Variants in RIC1 observed in about 807,000 individuals in gnomAD.
RIC1 encodes the protein RIC1 partner of RAB6A GEF complex, also known as guanine nucleotide exchange factor subunit RIC1.
RIC1 carries 88 observed loss-of-function variants against 169.0 expected under a neutral mutation model. That is an observed-to-expected ratio of 0.52 (90% CI 0.44 to 0.62). The LOEUF is 0.62. RIC1 is among the 20% of genes least tolerant of loss of function. The pLI, the probability that RIC1 is intolerant of heterozygous loss-of-function variation, is 0.00. For synonymous variants in RIC1, 790 were observed against 601.5 expected (o/e 1.31, Z -4.59); for missense variants, 1,877 against 1,725.5 (o/e 1.09, Z -1.56).
chr9:5,706,199 C>T (rs1404424486), intron 3 of RIC1, among the ~76,000 whole-genome samples: 1 of 152,156 alleles, frequency 6.6e-6, no homozygotes, highest in Non-Finnish European at 1.5e-5. Flanking sequence ...TGGCTTAACG[C>T]CTGTAATCCC....
At chr9:5,741,922 G>A (rs952781748) in intron 8 of RIC1, among the ~76,000 whole-genome samples, 1 of 152,146 alleles carries the variant, frequency 6.6e-6, no homozygotes, top group African/African-American at 2.4e-5. Context: ...TTTCCAGAGA[G>A]GATTTAAATT....
chr9:5,746,058 G>C lies in RIC1; in HGVS notation c.1223G>C (p.Ser408Thr). ...PSILLFQFIK[S>T]VLTVNPCMSN... is the part of the protein sequence containing the mutation. The stretch of plus-strand genomic sequence containing the variant: ...ATCCTGTTATTTCAGTTTATTAAGA[G>C]TGTACTCACTGTAAACCCTTGTATG... The change falls in exon 11 of 26, where the codon AGT (serine) becomes ACT (threonine). Residue 408 changes from serine (S) to threonine (T), a missense_variant. Physicochemically the swap from Ser to Thr is moderately conservative, Grantham distance 58. Coordinates refer to ENST00000414202, the MANE Select transcript of RIC1 (RefSeq NM_020829.4). 2 of 1,613,514 alleles carry C rather than the reference G, an allele frequency of 1.2e-6. No homozygotes were observed. The highest frequency in any genetic ancestry group is 1.7e-6 in the Non-Finnish European group (2 of 1,179,564).
chr9:5,724,620 A>G (rs1027814649), intron 6 of RIC1, among the ~76,000 whole-genome samples: 32 of 152,236 alleles, frequency 2.1e-4, no homozygotes, highest in African/African-American at 7.2e-4. Context: ...GTGAGAGAGG[A>G]CATCCCTGTC....
chr9:5,658,775 A>G (rs55764598), intron 2 of RIC1, among the ~76,000 whole-genome samples: 1 of 151,764 alleles, frequency 6.6e-6, no homozygotes, highest in African/African-American at 2.4e-5. Context: ...GCCCTCCTCC[A>G]CAGCTGTTAT....
At chr9:5,732,502 C>T (rs1199202693) in intron 7 of RIC1, 23 bp downstream of exon 7, 4 of 1,508,240 alleles carry the variant, frequency 2.7e-6, no homozygotes, top group Admixed American at 2.1e-5. Context: ...TAGGCTTTTG[C>T]ATTTTTAAGA....
At chr9:5,773,640 A>G (rs1338823205) in intron 25 of RIC1, among the ~76,000 whole-genome samples, 1 of 152,182 alleles carries the variant, frequency 6.6e-6, no homozygotes, top group Non-Finnish European at 1.5e-5. Flanking sequence ...ATGTTGTCTG[A>G]AGGTCCTTTT....
chr9:5,736,595 G>A (rs1824719887), intron 7 of RIC1, among the ~76,000 whole-genome samples: 1 of 152,122 alleles, frequency 6.6e-6, no homozygotes, highest in East Asian at 1.9e-4. Flanking sequence ...CAAAGAGGTG[G>A]CACAAAGAGA....
intron 2 of RIC1, among the ~76,000 whole-genome samples, chr9:5,658,730 T>C (rs1453485415): frequency 6.6e-6 from 1 of 152,052 alleles, no homozygotes; most frequent in African/African-American, 2.4e-5. Flanking sequence ...TTAGTGTAAG[T>C]TTTTTCAGAG....
intron 3 of RIC1, among the ~76,000 whole-genome samples, chr9:5,694,210 C>T (rs34017979): frequency 0.019 from 2,891 of 152,262 alleles, 32 homozygotes; most frequent in Non-Finnish European, 0.024. Context: ...AAGAAACCTA[C>T]AGTAAGGGAC....
At chr9:5,690,105 A>G in intron 3 of RIC1, 67 bp downstream of exon 3, 1 of 1,115,064 alleles carries the variant, frequency 9.0e-7, no homozygotes, top group South Asian at 1.6e-5. Context: ...AAAACATTAC[A>G]GTTTTGAGTT....
In RIC1 at chr9:5,629,143, C is replaced by A; in HGVS notation, c.-167C>A. Reference sequence around the variant, plus strand: ...CGTCAGCTTGGGGGTGCCTTCGTCGCGCAGCCTTGCGTCGGCCCGGCCCGG... The same window carrying A: ...CGTCAGCTTGGGGGTGCCTTCGTCGAGCAGCCTTGCGTCGGCCCGGCCCGG... On this transcript the variant is annotated 5_prime_UTR_variant, in exon 1 of 26. Coordinates refer to ENST00000414202, the MANE Select transcript of RIC1 (RefSeq NM_020829.4). 1.9e-6 allele frequency: 1 copy of A among 536,354 alleles called. No homozygotes were observed. Among genetic ancestry groups the A allele is most frequent in the Non-Finnish European group, 2.8e-6 (1 of 358,514 alleles). 33.2% of individuals were successfully genotyped at this position (536,354 alleles called of 1,614,324 possible).
chr9:5,705,253 A>G (rs1238334505), intron 3 of RIC1, among the ~76,000 whole-genome samples: 1 of 133,054 alleles, frequency 7.5e-6, no homozygotes, highest in Non-Finnish European at 1.6e-5. Context: ...CATTTAATCT[A>G]TAGCTGTTTG....
intron 1 of RIC1, among the ~76,000 whole-genome samples, chr9:5,631,563 T>C (rs1817715747): frequency 6.6e-6 from 1 of 151,660 alleles, no homozygotes; most frequent in Non-Finnish European, 1.5e-5. Context: ...GGTGCACGCC[T>C]ATAGCCCCAG....
At chr9:5,692,606 G>A (rs1005303506) in intron 3 of RIC1, among the ~76,000 whole-genome samples, 9 of 152,018 alleles carry the variant, frequency 5.9e-5, no homozygotes, top group Non-Finnish European at 1.0e-4. Flanking sequence ...TTGTGTGCTT[G>A]ACTGTTCTAG....
At chr9:5,686,666 T>C (rs931766394) in intron 2 of RIC1, among the ~76,000 whole-genome samples, 6 of 149,442 alleles carry the variant, frequency 4.0e-5, no homozygotes, top group African/African-American at 1.2e-4. Flanking sequence ...CTGGGAGATA[T>C]ACCTAAGGCT....
At chr9:5,735,033 TC>T (rs1489303992) in intron 7 of RIC1, among the ~76,000 whole-genome samples, 9 of 152,206 alleles carry the variant, frequency 5.9e-5, no homozygotes, top group African/African-American at 2.2e-4. Context: ...GCTCCTTTGT[TC>T]CAAACAGAAT....
intron 1 of RIC1, among the ~76,000 whole-genome samples, chr9:5,639,500 A>G (rs1336520546): frequency 1.3e-5 from 2 of 152,164 alleles, no homozygotes; most frequent in African/African-American, 4.8e-5. Flanking sequence ...AAGATTTGTG[A>G]CCTATCATAT....
At chr9:5,641,965 A>G (rs1271983953) in intron 1 of RIC1, among the ~76,000 whole-genome samples, 1 of 143,644 alleles carries the variant, frequency 7.0e-6, no homozygotes, top group Non-Finnish European at 1.5e-5. Flanking sequence ...TTCCTGGATG[A>G]TCTTGATTTG....
intron 3 of RIC1, among the ~76,000 whole-genome samples, chr9:5,703,651 GTCT>G (rs1812130200): frequency 6.6e-6 from 1 of 152,238 alleles, no homozygotes; most frequent in African/African-American, 2.4e-5. Flanking sequence ...TACCTTTTGT[GTCT>G]TCTTAATGTA....
Sources: allele counts gnomAD v4.1 joint callset (sites outside exome capture counted in the v4.1 genomes callset), GRCh38; gene constraint gnomAD v4.1.1; transcripts MANE v1.5; gene names NCBI Gene and HGNC (gene_info 2026-07-23, HGNC 2026-07-21).